Variants in ARK2C observed in about 807,000 individuals in gnomAD.
The protein encoded by ARK2C is E3 ubiquitin-protein ligase ARK2C.
At chr18:46,365,984 G>A in the ARK2C span, among the ~76,000 whole-genome samples, 2 of 152,132 alleles carry the variant, frequency 1.3e-5, no homozygotes, top group African/African-American at 2.4e-5. Context: ...TCAGTGCAAA[G>A]TGGGGTCTAA....
At chr18:46,393,693 A>G in the ARK2C span, among the ~76,000 whole-genome samples, 1 of 152,202 alleles carries the variant, frequency 6.6e-6, no homozygotes, top group South Asian at 2.1e-4. Flanking sequence ...CACCCAGGGA[A>G]GTCATTTCCC....
the ARK2C span, among the ~76,000 whole-genome samples, chr18:46,404,950 C>A: frequency 6.6e-6 from 1 of 152,074 alleles, no homozygotes; most frequent in Non-Finnish European, 1.5e-5. Flanking sequence ...ATGATACATG[C>A]AGAAGACATA....
the ARK2C span, among the ~76,000 whole-genome samples, chr18:46,448,911 C>T: frequency 6.6e-6 from 1 of 152,204 alleles, no homozygotes; most frequent in Non-Finnish European, 1.5e-5. Flanking sequence ...TCACTAACCA[C>T]TCAGCTCCTC....
At chr18:46,436,504 T>G in the ARK2C span, among the ~76,000 whole-genome samples, 5 of 152,334 alleles carry the variant, frequency 3.3e-5, no homozygotes, top group African/African-American at 1.2e-4. Context: ...GAATGAATTA[T>G]CTTAAAGATT....
the ARK2C span, among the ~76,000 whole-genome samples, chr18:46,359,027 A>C: frequency 1.3e-5 from 2 of 152,202 alleles, no homozygotes; most frequent in African/African-American, 4.8e-5. Flanking sequence ...AGCAGACACA[A>C]AGCTTGGGCA....
At chr18:46,391,130 A>G in the ARK2C span, among the ~76,000 whole-genome samples, 6 of 152,190 alleles carry the variant, frequency 3.9e-5, no homozygotes, top group African/African-American at 1.4e-4. Flanking sequence ...AATGGCACCA[A>G]TCGCCTCCAT....
chr18:46,384,909 T>C, the ARK2C span, among the ~76,000 whole-genome samples: 1 of 152,170 alleles, frequency 6.6e-6, no homozygotes, highest in Non-Finnish European at 1.5e-5. Flanking sequence ...TGTCCTGCCT[T>C]TTCCCTGGTA....
the ARK2C span, among the ~76,000 whole-genome samples, chr18:46,383,664 C>T: frequency 2.0e-5 from 3 of 150,334 alleles, no homozygotes; most frequent in East Asian, 3.9e-4. Context: ...ATGCCATTCT[C>T]CTGCCTCAGC....
At chr18:46,353,173 T>C in the ARK2C span, among the ~76,000 whole-genome samples, 1 of 152,242 alleles carries the variant, frequency 6.6e-6, no homozygotes, top group Non-Finnish European at 1.5e-5. Context: ...TATAGTAGAA[T>C]GTTAGATCTA....
At chr18:46,336,288 C>G in the ARK2C span, 1 of 985,338 alleles carries the variant, frequency 1.0e-6, no homozygotes, top group African/African-American at 1.7e-5. Context: ...TCTCTAAATA[C>G]CATTGCAGGA....
chr18:46,450,476 T>C, the ARK2C span: 1 of 1,117,458 alleles, frequency 8.9e-7, no homozygotes, highest in Non-Finnish European at 1.4e-6. Flanking sequence ...CCTCCCCACC[T>C]CTGCTGGTGA....
At chr18:46,369,030 C>T in the ARK2C span, among the ~76,000 whole-genome samples, 2 of 152,200 alleles carry the variant, frequency 1.3e-5, no homozygotes, top group Non-Finnish European at 2.9e-5. Context: ...TTAAGTGTTA[C>T]TCTACAGAGA....
chr18:46,384,925 A>T, the ARK2C span, among the ~76,000 whole-genome samples: 1 of 152,250 alleles, frequency 6.6e-6, no homozygotes, highest in Non-Finnish European at 1.5e-5. Flanking sequence ...TGGTAGATAC[A>T]GCCCAGAGCC....
chr18:46,334,280 C>A, the ARK2C span: 1 of 1,571,618 alleles, frequency 6.4e-7, no homozygotes, highest in Non-Finnish European at 8.6e-7. This position sits in a 1 kb window ranked among gnomAD's most constrained non-coding sequence, Gnocchi z 4.4. Flanking sequence ...CCAGGATGGT[C>A]CTGGTCCACG....
the ARK2C span, among the ~76,000 whole-genome samples, chr18:46,426,397 C>T: frequency 6.6e-6 from 1 of 152,182 alleles, no homozygotes; most frequent in Admixed American, 6.5e-5. Context: ...ATGGGTTCTT[C>T]TGTCCTCCTA....
the ARK2C span, among the ~76,000 whole-genome samples, chr18:46,393,805 C>T: frequency 2.6e-5 from 4 of 152,254 alleles, no homozygotes; most frequent in African/African-American, 9.6e-5. Flanking sequence ...AGGTCATGAG[C>T]GCTGGTCTTG....
chr18:46,388,124 T>G, the ARK2C span, among the ~76,000 whole-genome samples: 3 of 152,274 alleles, frequency 2.0e-5, no homozygotes, highest in South Asian at 6.2e-4. Context: ...AGGTTACATG[T>G]TTATTTGGGA....
At chr18:46,407,561 T>C in the ARK2C span, among the ~76,000 whole-genome samples, 2 of 152,206 alleles carry the variant, frequency 1.3e-5, no homozygotes, top group African/African-American at 4.8e-5. Context: ...AGTGTTTTTT[T>C]GTTTTGTTTT....
chr18:46,355,473 T>A, the ARK2C span, among the ~76,000 whole-genome samples: 1 of 152,144 alleles, frequency 6.6e-6, no homozygotes, highest in African/African-American at 2.4e-5. Flanking sequence ...TCTGAAAGCC[T>A]TGGAAAGGAC....
Sources: gnomAD v4.1 joint callset for allele counts (sites outside exome capture counted in the v4.1 genomes callset) on GRCh38, gnomAD v4.1.1 for gene constraint, Gnocchi (gnomAD v3.1) non-coding constraint, MANE v1.5 for transcripts, NCBI Gene and HGNC (gene_info 2026-07-23, HGNC 2026-07-21) for gene names.